Variants in POC1A observed in about 807,000 individuals in gnomAD.
POC1A encodes the protein POC1 centriolar protein A.
POC1A carries 34 observed loss-of-function variants against 47.8 expected under a neutral mutation model. That is an observed-to-expected ratio of 0.71 (90% CI 0.54 to 0.95). POC1A has a LOEUF of 0.95. Ranked by LOEUF, POC1A falls within the 40% of genes least tolerant of loss-of-function variation. The probability of loss-of-function intolerance (pLI) is 0.00; values close to 1 mark genes in which losing one functional copy is unlikely to be tolerated. For missense variants in POC1A, 466 were observed against 528.3 expected, an observed-to-expected ratio of 0.88 and a Z score of 1.16; for synonymous variants, 177 against 207.6, an observed-to-expected ratio of 0.85 and a Z score of 1.27.
chr3:52,082,652 G>A (rs987642391), intron 10 of POC1A, among the ~76,000 whole-genome samples: 2 of 152,090 alleles, frequency 1.3e-5, no homozygotes, highest in East Asian at 1.9e-4. Flanking sequence ...AGTTCAAGAC[G>A]TGTAAAACGT....
intron 10 of POC1A, among the ~76,000 whole-genome samples, chr3:52,087,213 C>T (rs933866103): frequency 6.6e-6 from 1 of 152,202 alleles, no homozygotes; most frequent in African/African-American, 2.4e-5. Context: ...AGTTCCTCCC[C>T]TTCCCACCTC....
chr3:52,131,055 G>A (rs1257396146), intron 7 of POC1A, among the ~76,000 whole-genome samples: 3 of 152,118 alleles, frequency 2.0e-5, no homozygotes, highest in African/African-American at 7.2e-5. Context: ...GGCACCGTGT[G>A]CAGCTCAGTC....
chr3:52,091,006 T>C (rs1048601017), intron 10 of POC1A, among the ~76,000 whole-genome samples: 8 of 152,172 alleles, frequency 5.3e-5, no homozygotes, highest in African/African-American at 1.9e-4. Context: ...GAGGCAGAGA[T>C]GGGTCTGAGC....
At chr3:52,104,693 T>C (rs1022383715) in intron 9 of POC1A, among the ~76,000 whole-genome samples, 1 of 152,200 alleles carries the variant, frequency 6.6e-6, no homozygotes, top group Non-Finnish European at 1.5e-5. Flanking sequence ...AGTCTGGGAA[T>C]TACATTTTCC....
In POC1A at chr3:52,145,836, C is replaced by A; in HGVS notation, c.679+10G>T. The A allele has an allele frequency of 6.3e-7, 1 of 1,587,606 alleles. No individual in the cohort carries two copies. Among genetic ancestry groups the A allele is most frequent in the South Asian group, 1.1e-5 (1 of 90,524 alleles). On this transcript the variant is annotated intron_variant, in intron 6 of 10. Transcript: ENST00000296484. ...CTGCCCTTGGGCCCAGGAGGCTGTT[C>A]ACCACTCACACTGATAATGCTGCAG...
At chr3:52,116,743 C>CT (rs1367127260) in intron 9 of POC1A, among the ~76,000 whole-genome samples, 1 of 152,128 alleles carries the variant, frequency 6.6e-6, no homozygotes, top group Non-Finnish European at 1.5e-5. Context: ...GAAAAGAACC[C>CT]TTTTTAAAGT....
rs200913830 is a variant in POC1A, at chr3:52,149,220, G to A, written c.445C>T (p.Arg149Cys). ...CAGAACAATGCTCACTTGGCACAGC[G>A]GACCCAGTTGATATGCTGGCTCAGG... ...FSLSQHINWV[R>C]CAKFSPDGRL... Residue 149 changes from arginine (R) to cysteine (C), a missense_variant, in exon 4 of 11, where the codon CGC becomes TGC. Arg to Cys is a radical substitution (Grantham distance 180). Coordinates refer to ENST00000296484, the MANE Select transcript of POC1A (RefSeq NM_015426.5). The A allele has an allele frequency of 2.2e-5, 35 of 1,613,882 alleles. No homozygotes were observed. Among genetic ancestry groups the A allele is most frequent in the South Asian group, 2.0e-4 (18 of 91,084 alleles).
At chr3:52,097,041 A>G (rs1401568815) in intron 9 of POC1A, among the ~76,000 whole-genome samples, 1 of 152,198 alleles carries the variant, frequency 6.6e-6, no homozygotes, top group African/African-American at 2.4e-5. Context: ...GCTGCCTCCC[A>G]TATCTTCAAG....
At chr3:52,108,132 G>T (rs1703250246) in intron 9 of POC1A, among the ~76,000 whole-genome samples, 1 of 152,216 alleles carries the variant, frequency 6.6e-6, no homozygotes, top group Non-Finnish European at 1.5e-5. Context: ...GATGTGCACA[G>T]TAACACAGGG....
chr3:52,137,180 A>C lies in POC1A; in HGVS notation c.813+989T>G, dbSNP rs1002390332. On this transcript the variant is annotated intron_variant, in intron 7 of 10. Transcript: ENST00000296484. ...CTGACAGGGAAGGCAAGGGGTCACAACAAGGCTGGGGGCAGCAAGCAGCCT... is the reference window on the plus strand; with the variant it reads ...CTGACAGGGAAGGCAAGGGGTCACACCAAGGCTGGGGGCAGCAAGCAGCCT... 7.2e-5 allele frequency among the ~76,000 whole-genome samples: 11 copies of C among 152,244 alleles called. No homozygotes were observed. The East Asian group carries it at 1.9e-3, about 27-fold the overall frequency.
At chr3:52,118,552 G>A (rs183254997) in intron 9 of POC1A, among the ~76,000 whole-genome samples, 9 of 152,296 alleles carry the variant, frequency 5.9e-5, no homozygotes, top group Non-Finnish European at 1.2e-4. Flanking sequence ...TGGGCAGGGG[G>A]TTTTCCTGGG....
chr3:52,109,326 CTCT>C (rs1473160147), intron 9 of POC1A, among the ~76,000 whole-genome samples: 2 of 152,058 alleles, frequency 1.3e-5, no homozygotes, highest in African/African-American at 4.8e-5. Context: ...ACCACTCAAA[CTCT>C]TCTTTAAAAT....
intron 9 of POC1A, among the ~76,000 whole-genome samples, chr3:52,108,399 C>T (rs377185008): frequency 2.6e-5 from 4 of 152,208 alleles, no homozygotes; most frequent in East Asian, 3.8e-4. Context: ...CCACAGCTCT[C>T]AGTGACAAAG....
rs577598785 is a variant in POC1A at position 52,088,638 on chromosome 3, CCA to C, written c.1125+7929_1125+7930del. On this transcript the variant is annotated intron_variant, in intron 10 of 10. Transcript: ENST00000296484. Reference sequence around the variant, plus strand: ...TTGCTTAATCTCAGAGCGGTGCAGGCCAGTTTGGGGCTCCTGTCATAACACAG... The same window carrying C: ...TTGCTTAATCTCAGAGCGGTGCAGGCGTTTGGGGCTCCTGTCATAACACAG... Among the ~76,000 whole-genome samples, 522 of 152,230 alleles carry C rather than the reference CCA, an allele frequency of 3.4e-3. 3 individuals are homozygous for C. Among genetic ancestry groups the C allele is most frequent in the Middle Eastern group, 0.01 (3 of 294 alleles).
Position 52,152,786 on chromosome 3 carries a change from AC to A in POC1A, c.18+1568del, listed in dbSNP as rs576359573. Among the ~76,000 whole-genome samples the A allele has an allele frequency of 3.9e-5, 6 of 152,274 alleles. No homozygotes were observed. The South Asian group carries it at 8.3e-4, about 21-fold the overall frequency. ...GATCCATCAACACATGACTGAATAA[AC>A]CAAATGTAGCATATTCATACAACAG... On this transcript the variant is annotated intron_variant, in intron 1 of 10. Transcript: ENST00000296484.
intron 10 of POC1A, among the ~76,000 whole-genome samples, chr3:52,092,271 G>A (rs962642395): frequency 1.3e-5 from 2 of 152,198 alleles, no homozygotes; most frequent in African/African-American, 4.8e-5. Context: ...TCTGATCACA[G>A]AGCCCTGGGC....
intron 4 of POC1A, among the ~76,000 whole-genome samples, chr3:52,147,420 CTA>C (rs762579511): frequency 5.7e-4 from 87 of 151,794 alleles, no homozygotes; most frequent in Non-Finnish European, 1.2e-4. Flanking sequence ...GAAACTGTGA[CTA>C]AATTTTGTTT....
At chr3:52,133,697 T>TA (rs1304692142) in intron 7 of POC1A, among the ~76,000 whole-genome samples, 9 of 152,184 alleles carry the variant, frequency 5.9e-5, no homozygotes, top group African/African-American at 2.2e-4. Context: ...ACTCAGACAA[T>TA]AGAGTTGCAG....
At chr3:52,150,568 A>G (rs2107210167) in intron 2 of POC1A, among the ~76,000 whole-genome samples, 1 of 152,282 alleles carries the variant, frequency 6.6e-6, no homozygotes, top group Non-Finnish European at 1.5e-5. Context: ...CAGCTGCAGC[A>G]TAAGAGCAGT....
Sources: gnomAD v4.1 joint callset for allele counts (sites outside exome capture counted in the v4.1 genomes callset) on GRCh38, gnomAD v4.1.1 for gene constraint, MANE v1.5 for transcripts, NCBI Gene and HGNC (gene_info 2026-07-23, HGNC 2026-07-21) for gene names.